TNKS: variants seen among roughly 807,000 people sequenced by gnomAD.
TNKS encodes the protein poly [ADP-ribose] polymerase tankyrase-1.
A neutral mutation model predicts 135.8 loss-of-function variants in TNKS; 72 were observed. The ratio of observed to expected loss-of-function variants is 0.53; its 90% CI spans 0.44 to 0.64. The LOEUF is 0.64. TNKS is among the 30% of genes least tolerant of loss of function. The pLI, the probability that TNKS is intolerant of heterozygous loss-of-function variation, is 0.00. For synonymous variants in TNKS, 849 were observed against 649.3 expected (o/e 1.31, Z -4.68); for missense variants, 1,769 against 1,674.0 (o/e 1.06, Z -0.99).
intron 1 of TNKS, among the ~76,000 whole-genome samples, chr8:9,570,458 C>G (rs560732155): frequency 3.9e-5 from 6 of 152,294 alleles, no homozygotes; most frequent in African/African-American, 1.4e-4. Context: ...CCACCAGTCC[C>G]TTGCTGGCGT....
At chr8:9,720,237 A>C in intron 11 of TNKS, 137 bp from the exon 12 acceptor site, 1 of 789,138 alleles carries the variant, frequency 1.3e-6, no homozygotes, top group Admixed American at 3.8e-5. Context: ...AGTGAGCAAA[A>C]GTTTATAATC....
intron 1 of TNKS, chr8:9,557,131 A>C (rs1815353457): frequency 6.3e-6 from 1 of 159,998 alleles, no homozygotes. Flanking sequence ...TTTGCAGTCT[A>C]GACGGGGAGA....
chr8:9,651,070 G>C (rs1466466268), intron 3 of TNKS, among the ~76,000 whole-genome samples: 1 of 152,014 alleles, frequency 6.6e-6, no homozygotes, highest in Non-Finnish European at 1.5e-5. Context: ...TGTTAACTAC[G>C]GTGTCCTTTC....
At chr8:9,719,763 T>A (rs1400362697) in intron 11 of TNKS, among the ~76,000 whole-genome samples, 1 of 152,208 alleles carries the variant, frequency 6.6e-6, no homozygotes, top group East Asian at 1.9e-4. Flanking sequence ...TGTTTCACAT[T>A]GTCTTAAGCA....
chr8:9,578,395 G>C (rs1798040436), intron 1 of TNKS, among the ~76,000 whole-genome samples: 1 of 152,200 alleles, frequency 6.6e-6, no homozygotes, highest in South Asian at 2.1e-4. Flanking sequence ...GTAAGATGCT[G>C]ACAGTTTACT....
At chr8:9,706,653 A>C (rs994163631) in intron 7 of TNKS, among the ~76,000 whole-genome samples, 158 bp from the exon 8 acceptor site, 1 of 152,250 alleles carries the variant, frequency 6.6e-6, no homozygotes, top group Non-Finnish European at 1.5e-5. Flanking sequence ...AAAACATTGA[A>C]TTTAATTTCA....
In TNKS at chr8:9,766,436, T is replaced by C; in HGVS notation, c.3740+11T>C. On this transcript the variant is annotated intron_variant, in intron 25 of 26. Transcript: ENST00000310430. ...CTATATATGTCACAGGTAAGCATCT[T>C]GCCATTAGTGTAACGTTTCCCACCC... is the stretch of plus-strand genomic sequence containing the variant. The C allele has an allele frequency of 2.0e-6, 3 of 1,528,470 alleles. No homozygotes were observed. The Middle Eastern group carries it at 5.2e-4, about 267-fold the overall frequency. The allele number at this position is 1,528,470 out of a possible 1,614,324, so 94.7% of individuals were successfully genotyped here.
chr8:9,726,550 C>A, intron 12 of TNKS, 91 bp from the exon 13 acceptor site: 2 of 868,726 alleles, frequency 2.3e-6, no homozygotes, highest in Non-Finnish European at 3.4e-6. Flanking sequence ...ACTTTGCAAT[C>A]CCTCAAGAAC....
At chr8:9,742,279 AAC>A (rs1044193274) in intron 17 of TNKS, among the ~76,000 whole-genome samples, 12 of 151,870 alleles carry the variant, frequency 7.9e-5, no homozygotes, top group African/African-American at 2.7e-4. Flanking sequence ...TTTTTTGGCA[AAC>A]TTTGACTCTG....
chr8:9,639,218 A>G (rs1800632722), intron 3 of TNKS, among the ~76,000 whole-genome samples: 1 of 152,178 alleles, frequency 6.6e-6, no homozygotes, highest in Non-Finnish European at 1.5e-5. Context: ...AAGCTTAAGA[A>G]TTCAGGAAAA....
intron 3 of TNKS, among the ~76,000 whole-genome samples, chr8:9,638,923 G>T (rs1056102454): frequency 3.9e-5 from 6 of 152,138 alleles, no homozygotes; most frequent in Non-Finnish European, 5.9e-5. Flanking sequence ...AAGAGTGAAT[G>T]ATTCCAAGAA....
chr8:9,732,511 G>T (rs1805494695), intron 14 of TNKS, among the ~76,000 whole-genome samples: 1 of 151,236 alleles, frequency 6.6e-6, no homozygotes, highest in Admixed American at 6.6e-5. Context: ...CTGTTTCAGT[G>T]CATTGGAGAG....
chr8:9,578,109 G>C (rs534889649), intron 1 of TNKS, among the ~76,000 whole-genome samples: 123 of 152,294 alleles, frequency 8.1e-4, no homozygotes, highest in African/African-American at 2.8e-3. Context: ...CCAAGGCCTT[G>C]GGCGGCTCCA....
chr8:9,620,454 G>T lies in TNKS; in HGVS notation c.994+4777G>T, dbSNP rs145303481. Among the ~76,000 whole-genome samples the T allele has an allele frequency of 3.3e-3, 497 of 152,270 alleles. 1 individual carries two copies. The highest frequency in any genetic ancestry group is 6.0e-3 in the Non-Finnish European group (409 of 68,022). On this transcript the variant is annotated intron_variant, in intron 3 of 26. Transcript: ENST00000310430. ...ACTTCGCTCAGTTCTCTTCACTGCA[G>T]CTAGAATGGTCTTACTAAAGCATAA... is the stretch of plus-strand genomic sequence containing the variant.
At chr8:9,752,852 G>T (rs1806620939) in intron 20 of TNKS, among the ~76,000 whole-genome samples, 1 of 151,708 alleles carries the variant, frequency 6.6e-6, no homozygotes, top group South Asian at 2.1e-4. Flanking sequence ...TGTAGTGCTA[G>T]CTGCTGGGAA....
At chr8:9,645,158 C>T (rs1800874551) in intron 3 of TNKS, among the ~76,000 whole-genome samples, 1 of 150,644 alleles carries the variant, frequency 6.6e-6, no homozygotes, top group Non-Finnish European at 1.5e-5. Context: ...GTGGTGAATG[C>T]AAAGGGGAGG....
At chr8:9,772,410 C>G (rs1431004040) in intron 26 of TNKS, 1 of 455,018 alleles carries the variant, frequency 2.2e-6, no homozygotes, top group Non-Finnish European at 4.4e-6. Context: ...GCATTCCAGC[C>G]AAAAATACAT....
intron 5 of TNKS, among the ~76,000 whole-genome samples, chr8:9,698,395 T>G (rs542708937): frequency 1.1e-3 from 86 of 78,262 alleles, no homozygotes; most frequent in Non-Finnish European, 1.8e-3. Context: ...AAAAAAAGCT[T>G]AAGTATATAA....
chr8:9,701,126 A>G (rs1803782303), intron 5 of TNKS, among the ~76,000 whole-genome samples: 1 of 151,864 alleles, frequency 6.6e-6, no homozygotes, highest in South Asian at 2.1e-4. Flanking sequence ...GTAGAGACAC[A>G]CAGGGTTTCA....
Sources: gnomAD v4.1 joint callset for allele counts (sites outside exome capture counted in the v4.1 genomes callset) on GRCh38, gnomAD v4.1.1 for gene constraint, MANE v1.5 for transcripts, NCBI Gene and HGNC (gene_info 2026-07-23, HGNC 2026-07-21) for gene names.